The following SLC26A5 variants were observed in gnomAD, a reference collection of about 807,000 sequenced individuals.
SLC26A5 encodes the protein prestin.
A neutral mutation model predicts 81.0 loss-of-function variants in SLC26A5; 51 were observed. The ratio of observed to expected loss-of-function variants is 0.63; its 90% CI spans 0.50 to 0.80. The LOEUF is 0.80. SLC26A5 is among the 30% of genes least tolerant of loss of function. SLC26A5 has a pLI of 0.00. For synonymous variants in SLC26A5, 325 were observed against 332.8 expected (o/e 0.98, Z 0.25); for missense variants, 771 against 905.8 (o/e 0.85, Z 1.91).
intron 2 of SLC26A5, among the ~76,000 whole-genome samples, chr7:103,426,213 C>T (rs529743929): frequency 1.9e-4 from 29 of 152,292 alleles, no homozygotes; most frequent in Admixed American, 9.8e-4. Flanking sequence ...AGTGCAACAT[C>T]CACTATACTT....
Position 103,367,665 on chromosome 7 carries a change from C to T in SLC26A5, c.2041+9143G>A. On this transcript the variant is annotated intron_variant, in intron 19 of 19. Coordinates refer to the SLC26A5 transcript ENST00000339444. This position sits in a 1 kb window ranked among gnomAD's most constrained non-coding sequence, Gnocchi z 6.1. ...AAAGGGATTTTTGAAGTTTTTTCTT[C>T]CTGTGATTTTTTTCCATTTTAATAT... 6.2e-7 allele frequency: 1 copy of T among 1,608,018 alleles called. No homozygotes were observed. The highest frequency in any genetic ancestry group is 1.1e-5 in the South Asian group (1 of 90,212).
Position 103,379,265 on chromosome 7 carries a change from T to A in SLC26A5, c.1655A>T (p.Tyr552Phe). The A allele has an allele frequency of 6.2e-7, 1 of 1,611,000 alleles. No individual in the cohort carries two copies. The highest frequency in any genetic ancestry group is 8.5e-7 in the Non-Finnish European group (1 of 1,177,322). ...APIYYANSDL[Y>F]SNALKRKTGV... ...CACCTTTCGTTTTAATGCATTGCTA[T>A]ACAAGTCGCTATTTGCATAGTAAAT... Residue 552 changes from tyrosine (Y) to phenylalanine (F), a missense_variant, in exon 16 of 20, where the codon TAT (tyrosine) becomes TTT (phenylalanine). Tyr to Phe is a conservative substitution (Grantham distance 22, BLOSUM62 3). Transcript: ENST00000306312.
At chr7:103,388,338 AG>A (rs895126508) in intron 14 of SLC26A5, among the ~76,000 whole-genome samples, 2 of 151,814 alleles carry the variant, frequency 1.3e-5, no homozygotes, top group Admixed American at 1.3e-4. Context: ...CTGGGATTAC[AG>A]GTGTGTGCCA....
intron 2 of SLC26A5, among the ~76,000 whole-genome samples, chr7:103,422,548 A>G (rs1825427624): frequency 6.6e-6 from 1 of 152,192 alleles, no homozygotes; most frequent in Non-Finnish European, 1.5e-5. Flanking sequence ...ACAACAATAA[A>G]TACTGAGATC....
chr7:103,410,193 C>T (rs1459620704), intron 7 of SLC26A5, among the ~76,000 whole-genome samples, 192 bp downstream of exon 7: 3 of 152,126 alleles, frequency 2.0e-5, no homozygotes, highest in African/African-American at 7.2e-5. Flanking sequence ...ATATTAATAA[C>T]AGAGATTTTA....
chr7:103,420,252 G>A (rs12539777), intron 4 of SLC26A5, among the ~76,000 whole-genome samples: 25,345 of 143,290 alleles, frequency 0.18, 2,906 homozygotes, highest in African/African-American at 0.33. Context: ...GATCTGCAAA[G>A]TAGTAACACC....
At chr7:103,383,450 C>G (rs1821946536) in intron 14 of SLC26A5, among the ~76,000 whole-genome samples, 1 of 152,198 alleles carries the variant, frequency 6.6e-6, no homozygotes, top group Non-Finnish European at 1.5e-5. Context: ...CTGCAGTGCC[C>G]TGGCACACCA....
At chr7:103,375,918 G>A (rs1821324271) in intron 19 of SLC26A5, among the ~76,000 whole-genome samples, 1 of 151,716 alleles carries the variant, frequency 6.6e-6, no homozygotes, top group South Asian at 2.1e-4. Flanking sequence ...ACCAAGCCGG[G>A]CTAATTTTTT....
chr7:103,390,959 G>T (rs940093075), intron 11 of SLC26A5, among the ~76,000 whole-genome samples: 1 of 151,144 alleles, frequency 6.6e-6, no homozygotes, highest in Non-Finnish European at 1.5e-5. Flanking sequence ...TCTGCCTCCT[G>T]GGTTCAAGCG....
chr7:103,402,327 G>C (rs1181982833), intron 8 of SLC26A5, among the ~76,000 whole-genome samples: 1 of 151,510 alleles, frequency 6.6e-6, no homozygotes, highest in Admixed American at 6.6e-5. Context: ...ATTTCTTCTA[G>C]ATTTTCTAGT....
At chr7:103,418,385 T>C (rs1825085603) in intron 4 of SLC26A5, among the ~76,000 whole-genome samples, 1 of 152,212 alleles carries the variant, frequency 6.6e-6, no homozygotes, top group Non-Finnish European at 1.5e-5. Flanking sequence ...TCTTTGAGTG[T>C]GAGCTTGCGT....
chr7:103,375,052 A>G (rs1821255407), intron 19 of SLC26A5, among the ~76,000 whole-genome samples: 2 of 147,932 alleles, frequency 1.4e-5, no homozygotes. Flanking sequence ...ACACACACAC[A>G]CATATATACA....
At chr7:103,418,809 C>T (rs1825116339) in intron 4 of SLC26A5, among the ~76,000 whole-genome samples, 2 of 152,140 alleles carry the variant, frequency 1.3e-5, no homozygotes, top group Non-Finnish European at 2.9e-5. Flanking sequence ...TCTACCTGGT[C>T]TCCTCACATC....
At chr7:103,377,565 A>T (rs897905235) in intron 18 of SLC26A5, 34 bp downstream of exon 18, 9 of 1,567,726 alleles carry the variant, frequency 5.7e-6, no homozygotes, top group Non-Finnish European at 7.9e-6. Flanking sequence ...CCAGGCATAG[A>T]GGTATTAAAT....
At chr7:103,411,341 A>G in intron 6 of SLC26A5, 79 bp downstream of exon 6, 1 of 1,559,242 alleles carries the variant, frequency 6.4e-7, no homozygotes, top group Non-Finnish European at 8.8e-7. Context: ...ACCGTGTAGT[A>G]AGACCAGCCA....
At chr7:103,413,140 G>T in intron 4 of SLC26A5, 28 bp from the exon 5 acceptor site, 1 of 1,419,184 alleles carries the variant, frequency 7.0e-7, no homozygotes, top group Non-Finnish European at 1.0e-6. Flanking sequence ...AAACAGAAAT[G>T]GGGGATCATT....
At chr7:103,384,394 C>T (rs1010486833) in intron 14 of SLC26A5, among the ~76,000 whole-genome samples, 9 of 151,858 alleles carry the variant, frequency 5.9e-5, no homozygotes, top group South Asian at 4.2e-4. Flanking sequence ...AGGTGGATCA[C>T]GAGGTGAGGA....
rs191727996 is a variant in SLC26A5 at position 103,382,525 on chromosome 7, T to G, written c.1515-1976A>C. On this transcript the variant is annotated intron_variant, in intron 14 of 19. Transcript: ENST00000306312. ...CCACCATGCCCAGCTAATTTTTGTA[T>G]TTTTAATAGAGACAGGGTTTCACCA... 5.0e-3 allele frequency among the ~76,000 whole-genome samples: 759 copies of G among 151,972 alleles called. 8 individuals carry two copies. Among genetic ancestry groups the G allele is most frequent in the African/African-American group, 0.017 (716 of 41,456 alleles).
intron 19 of SLC26A5, chr7:103,362,498 GT>G: frequency 7.1e-7 from 1 of 1,412,976 alleles, no homozygotes; most frequent in Non-Finnish European, 9.2e-7. Flanking sequence ...TGGATAGGTT[GT>G]TTGCGACATT....
Sources: allele counts gnomAD v4.1 joint callset (sites outside exome capture counted in the v4.1 genomes callset), GRCh38; gene constraint gnomAD v4.1.1; non-coding constraint Gnocchi (gnomAD v3.1); transcripts MANE v1.5; gene names NCBI Gene and HGNC (gene_info 2026-07-23, HGNC 2026-07-21).